HECTD4: variants seen among roughly 807,000 people sequenced by gnomAD.
HECTD4 encodes probable E3 ubiquitin-protein ligase HECTD4.
Under a neutral mutation model 471.5 loss-of-function variants are expected in HECTD4, and 114 were observed. The observed-to-expected ratio is 0.24, with a 90% CI of 0.21 to 0.28. The LOEUF (loss-of-function observed/expected upper bound fraction) is 0.28. HECTD4 is among the 10% of genes least tolerant of loss of function. The pLI is 1.00. For synonymous variants in HECTD4, 2,012 were observed against 2,256.0 expected (o/e 0.89, Z 3.07); for missense variants, 3,866 against 5,651.5 (o/e 0.68, Z 10.13).
intron 1 of HECTD4, among the ~76,000 whole-genome samples, chr12:112,379,715 T>TA (rs1555262255): frequency 3.7e-5 from 5 of 135,788 alleles, no homozygotes; most frequent in Non-Finnish European, 4.7e-5. Flanking sequence ...TAAAAAGATT[T>TA]TTTATATATA....
chr12:112,256,737 C>A, intron 20 of HECTD4: 1 of 323,420 alleles, frequency 3.1e-6, no homozygotes, highest in Non-Finnish European at 5.4e-6. Flanking sequence ...TTTTTTTTTT[C>A]TTTTTTGCCT....
chr12:112,367,710 A>C (rs1258122087), intron 1 of HECTD4, among the ~76,000 whole-genome samples: 1 of 147,890 alleles, frequency 6.8e-6, no homozygotes, highest in Non-Finnish European at 1.5e-5. Flanking sequence ...AATCCCAGTT[A>C]CTTGGGAGGC....
At chr12:112,332,876 G>C (rs987824916) in intron 1 of HECTD4, among the ~76,000 whole-genome samples, 2 of 149,598 alleles carry the variant, frequency 1.3e-5, no homozygotes, top group African/African-American at 4.9e-5. Flanking sequence ...AAATCTCCCA[G>C]CCCTTGGCAA....
chr12:112,254,627 CA>C (rs997469297), intron 21 of HECTD4, among the ~76,000 whole-genome samples: 1 of 151,090 alleles, frequency 6.6e-6, no homozygotes, highest in South Asian at 2.1e-4. Context: ...ATAAAAGCAC[CA>C]AAAAAAATCA....
At chr12:112,318,517 G>A (rs1297663161) in intron 2 of HECTD4, among the ~76,000 whole-genome samples, 4 of 152,018 alleles carry the variant, frequency 2.6e-5, no homozygotes, top group Non-Finnish European at 5.9e-5. Flanking sequence ...GGGATTACAG[G>A]CACCCACCAC....
intron 10 of HECTD4, among the ~76,000 whole-genome samples, chr12:112,274,009 G>A (rs1405038014): frequency 6.6e-6 from 1 of 152,234 alleles, no homozygotes; most frequent in East Asian, 1.9e-4. Context: ...CCTGTGTGAG[G>A]AGTAAATCTC....
At position 112,239,125 on chromosome 12, in the gene HECTD4, C is replaced by T; in HGVS notation, c.5217G>A (p.Gln1739=). 1.2e-6 allele frequency: 2 copies of T among 1,613,970 alleles called. No individual in the cohort carries two copies. Among genetic ancestry groups the T allele is most frequent in the Non-Finnish European group, 1.7e-6 (2 of 1,179,864 alleles). ...CAGCCCAGGCCATGGTGGCCACCTTCTGCTTCTTGGTCTGTTTCTCACTGG... is the reference window on the plus strand; with the variant it reads ...CAGCCCAGGCCATGGTGGCCACCTTTTGCTTCTTGGTCTGTTTCTCACTGG... ...SSSSEKQTKK[Q]KVATMAWAAF... The change falls in exon 34 of 76, where the codon CAG becomes CAA. Residue 1739 remains glutamine, a synonymous_variant. Coordinates refer to ENST00000682272, the MANE Select transcript of HECTD4 (RefSeq NM_001388303.1). The surrounding 1 kb of genome is among the most constrained non-coding windows in gnomAD (Gnocchi z 4.9).
chr12:112,283,955 C>CTTT (rs746498265), intron 7 of HECTD4, among the ~76,000 whole-genome samples: 2 of 135,562 alleles, frequency 1.5e-5, no homozygotes, highest in South Asian at 2.4e-4. Flanking sequence ...CTTCTTTCTT[C>CTTT]TTTTTTTTTT....
Position 112,240,172 on chromosome 12 carries a change from T to C in HECTD4, c.4959-145A>G, listed in dbSNP as rs966172168. The C allele has an allele frequency of 1.4e-5, 12 of 866,280 alleles. No homozygotes were observed. The East Asian group carries it at 2.0e-4, about 14-fold the overall frequency. 53.7% of individuals were successfully genotyped at this position (866,280 alleles called of 1,614,324 possible). ...GGAGAACATCCAGCTCAGTGTTTCC[T>C]AGACTATGCAAGACTGCTGGACAGA... On this transcript the variant is annotated intron_variant, in intron 32 of 75. Transcript: ENST00000682272.
intron 7 of HECTD4, among the ~76,000 whole-genome samples, chr12:112,291,722 A>C (rs1594015797): frequency 6.6e-6 from 1 of 152,044 alleles, no homozygotes; most frequent in Non-Finnish European, 1.5e-5. Context: ...AATACAAAAA[A>C]TCAGCCAGGC....
Position 112,162,768 on chromosome 12 carries a change from CTTTTTTTT to C in HECTD4, c.13121-253_13121-246del. The C allele has an allele frequency of 2.1e-6, 1 of 465,682 alleles. No individual in the cohort carries two copies. Among genetic ancestry groups the C allele is most frequent in the Non-Finnish European group, 3.7e-6 (1 of 267,814 alleles). The allele number at this position is 465,682 out of a possible 1,614,324, so 28.8% of individuals were successfully genotyped here. A position where few individuals can be genotyped will look rare whatever the true frequency, so the allele number is the denominator to read the frequency against. On this transcript the variant is annotated intron_variant, in intron 75 of 75. Transcript: ENST00000682272. This position sits in a 1 kb window ranked among gnomAD's most constrained non-coding sequence, Gnocchi z 5.2. ...GGTTTGTCTGCCCAGCAAATTGTTT[CTTTTTTTT>C]TTTTTTTAACCATTTTTCTGCATTT...
At chr12:112,262,052 T>A (rs2034156710) in intron 17 of HECTD4, 1 of 152,132 alleles carries the variant, frequency 6.6e-6, no homozygotes, top group Admixed American at 6.5e-5. Context: ...TACTAAATAA[T>A]GTGTTAAGAA....
In HECTD4 at chr12:112,219,469, C is replaced by T; in HGVS notation, c.6991G>A (p.Glu2331Lys). 1 of 1,613,640 alleles carries T rather than the reference C, an allele frequency of 6.2e-7. No individual in the cohort carries two copies. The highest frequency in any genetic ancestry group is 8.5e-7 in the Non-Finnish European group (1 of 1,179,664). ...ATCCTCAGCCGTTCACACTGTACCT[C>T]CACAACTGCAAGTCGCTCTCCTGTA... ...CSAGERLAVV[E>K]VQCERLRMLY... Residue 2331 changes from glutamate (E) to lysine (K), a missense_variant, in exon 45 of 76, where the codon GAG becomes AAG. Physicochemically the swap from Glu to Lys is moderately conservative, Grantham distance 56. Transcript: ENST00000682272.
chr12:112,182,767 C>T (rs1041557861), intron 62 of HECTD4, among the ~76,000 whole-genome samples: 2 of 152,292 alleles, frequency 1.3e-5, no homozygotes, highest in African/African-American at 2.4e-5. Flanking sequence ...CCACGGCCTT[C>T]AGCGCCCTGA....
chr12:112,327,525 G>C (rs1292409802), intron 1 of HECTD4, among the ~76,000 whole-genome samples: 1 of 152,084 alleles, frequency 6.6e-6, no homozygotes, highest in African/African-American at 2.4e-5. Context: ...TTTGAAATTA[G>C]TGTTTGTGAA....
At chr12:112,240,538 C>T (rs1332965323) in intron 32 of HECTD4, among the ~76,000 whole-genome samples, 1 of 151,806 alleles carries the variant, frequency 6.6e-6, no homozygotes, top group East Asian at 1.9e-4. Flanking sequence ...CAGCCTTGAT[C>T]TCTTGGGCTC....
intron 60 of HECTD4, 54 bp from the exon 61 acceptor site, chr12:112,185,547 C>T: frequency 7.3e-7 from 1 of 1,375,328 alleles, no homozygotes; most frequent in Non-Finnish European, 9.9e-7. Context: ...GGCTATGTTC[C>T]AGGCGCAGTT....
At chr12:112,212,779 G>T (rs1418657817) in intron 48 of HECTD4, 129 bp from the exon 49 acceptor site, 10 of 648,210 alleles carry the variant, frequency 1.5e-5, no homozygotes, top group South Asian at 6.1e-5. Context: ...AAATGGACAT[G>T]AAGTTATTGT....
Position 112,252,314 on chromosome 12 carries a change from T to C in HECTD4, c.3552+110A>G, listed in dbSNP as rs541568863. ...ACTAGTGCCAACTAGAAGAGAAAGA[T>C]GAAAGAGTGACTCATATTCTGCCCT... On this transcript the variant is annotated intron_variant, in intron 23 of 75. Coordinates refer to ENST00000682272, the MANE Select transcript of HECTD4 (RefSeq NM_001388303.1). 4 of 1,111,758 alleles carry C rather than the reference T, an allele frequency of 3.6e-6. No homozygotes were observed. In the East Asian group the frequency reaches 1.1e-4, roughly 31 times the overall value. The allele number at this position is 1,111,758 out of a possible 1,614,324, so 68.9% of individuals were successfully genotyped here. A position where few individuals can be genotyped will look rare whatever the true frequency, so the allele number is the denominator to read the frequency against.
Sources: gnomAD v4.1 joint callset for allele counts (sites outside exome capture counted in the v4.1 genomes callset) on GRCh38, gnomAD v4.1.1 for gene constraint, Gnocchi (gnomAD v3.1) non-coding constraint, MANE v1.5 for transcripts, NCBI Gene and HGNC (gene_info 2026-07-23, HGNC 2026-07-21) for gene names.